The following TAFA2 variants were observed in gnomAD, a reference collection of about 807,000 sequenced individuals.
The protein encoded by TAFA2 is TAFA chemokine like family member 2, also known as chemokine-like protein TAFA-2.
Under a neutral mutation model 18.8 loss-of-function variants are expected in TAFA2, and 7 were observed. The observed-to-expected ratio is 0.37, with a 90% confidence interval of 0.21 to 0.70. The LOEUF is 0.70. TAFA2 is among the 30% of genes least tolerant of loss of function. The probability of loss-of-function intolerance (pLI) is 0.53; values close to 1 mark genes in which losing one functional copy is unlikely to be tolerated. For synonymous variants in TAFA2, 60 were observed against 54.2 expected, an observed-to-expected ratio of 1.11 and a Z score of -0.47; for missense variants, 122 against 158.1, an observed-to-expected ratio of 0.77 and a Z score of 1.23.
rs374647804 is a variant in TAFA2 at position 61,867,496 on chromosome 12, A to G, written c.-1-70T>C. 3.3e-6 allele frequency: 3 copies of G among 909,146 alleles called. No homozygotes were observed. In the South Asian group the frequency reaches 4.3e-5, roughly 13 times the overall value. The allele number at this position is 909,146 out of a possible 1,614,324, so 56.3% of individuals were successfully genotyped here. A position where few individuals can be genotyped will look rare whatever the true frequency, so the allele number is the denominator to read the frequency against. On this transcript the variant is annotated intron_variant, in intron 1 of 4. Transcript: ENST00000416284. ...AGCTTTTCCCTTATGATTGTGCTAC[A>G]TGTAAAGCCTTCCACTATACTTTAA...
At chr12:62,108,374 T>C (rs1869560948) in intron 1 of TAFA2, among the ~76,000 whole-genome samples, 2 of 152,236 alleles carry the variant, frequency 1.3e-5, no homozygotes, top group Non-Finnish European at 2.9e-5. Flanking sequence ...ATTTTCTTTA[T>C]CCAGTTTATC....
At chr12:62,162,255 T>C (rs1052195905) in intron 1 of TAFA2, among the ~76,000 whole-genome samples, 16 of 152,188 alleles carry the variant, frequency 1.1e-4, no homozygotes, top group Non-Finnish European at 1.9e-4. Context: ...GAACTATCTC[T>C]CATCATAAAT....
intron 2 of TAFA2, among the ~76,000 whole-genome samples, chr12:61,819,108 A>G (rs1872214776): frequency 1.3e-5 from 2 of 152,118 alleles, no homozygotes; most frequent in African/African-American, 4.8e-5. Context: ...CCTACTGTTG[A>G]TGTTTATATT....
intron 1 of TAFA2, among the ~76,000 whole-genome samples, chr12:62,207,704 C>T (rs2062697992): frequency 6.6e-6 from 1 of 152,144 alleles, no homozygotes; most frequent in Non-Finnish European, 1.5e-5. Flanking sequence ...CACTTCTCCA[C>T]AATGTTATAC....
At chr12:61,867,207 G>T in intron 2 of TAFA2, 113 bp downstream of exon 2, 1 of 669,526 alleles carries the variant, frequency 1.5e-6, no homozygotes, top group Non-Finnish European at 2.6e-6. Context: ...ACTGCCAGGG[G>T]GAGAATCTAT....
chr12:62,092,487 CT>C (rs1868758627), intron 1 of TAFA2, among the ~76,000 whole-genome samples: 1 of 151,920 alleles, frequency 6.6e-6, no homozygotes, highest in African/African-American at 2.4e-5. Flanking sequence ...ACAGTCAGTT[CT>C]TAGCCTTCAT....
intron 1 of TAFA2, among the ~76,000 whole-genome samples, chr12:62,114,213 A>AT (rs1869860725): frequency 6.6e-6 from 1 of 152,176 alleles, no homozygotes; most frequent in African/African-American, 2.4e-5. Flanking sequence ...CTCAAGACAC[A>AT]GTCTCTCATG....
At chr12:62,144,078 A>C (rs951633626) in intron 1 of TAFA2, among the ~76,000 whole-genome samples, 1 of 151,264 alleles carries the variant, frequency 6.6e-6, no homozygotes, top group African/African-American at 2.4e-5. Flanking sequence ...AAAAGTCCTA[A>C]AACTCTCATA....
intron 1 of TAFA2, among the ~76,000 whole-genome samples, chr12:62,168,395 G>T (rs1345115538): frequency 1.3e-5 from 2 of 152,070 alleles, no homozygotes; most frequent in African/African-American, 4.8e-5. Context: ...AACCAAAACA[G>T]AGAACAAATA....
intron 1 of TAFA2, among the ~76,000 whole-genome samples, chr12:61,882,092 A>G (rs928196682): frequency 1.3e-5 from 2 of 152,198 alleles, no homozygotes; most frequent in African/African-American, 4.8e-5. Context: ...CTTAGATTTG[A>G]AGACGTTTAA....
At position 61,859,855 on chromosome 12, in the gene TAFA2, T is replaced by A. The variant is rs1326742458; in HGVS notation, c.106+7465A>T. Among the ~76,000 whole-genome samples the A allele has an allele frequency of 2.6e-5, 4 of 152,314 alleles. No individual in the cohort carries two copies. The East Asian group carries it at 7.7e-4, about 29-fold the overall frequency. ...GGGGCTGACGACATTCTAATTACTG[T>A]CCTGGTTGATAATTGCACACTAATT... On this transcript the variant is annotated intron_variant, in intron 2 of 4. Coordinates refer to ENST00000416284, the MANE Select transcript of TAFA2 (RefSeq NM_178539.5).
chr12:61,715,118 A>G (rs929071171), intron 4 of TAFA2, among the ~76,000 whole-genome samples: 1 of 152,180 alleles, frequency 6.6e-6, no homozygotes, highest in African/African-American at 2.4e-5. Context: ...ATTCTCAAAC[A>G]AGATACAAAA....
At chr12:62,151,707 C>T (rs1404154409) in intron 1 of TAFA2, among the ~76,000 whole-genome samples, 2 of 152,132 alleles carry the variant, frequency 1.3e-5, no homozygotes, top group African/African-American at 4.8e-5. Context: ...TTCTTTCTTC[C>T]CCAGACTTGT....
intron 1 of TAFA2, among the ~76,000 whole-genome samples, chr12:62,010,619 T>C (rs1436278818): frequency 6.6e-6 from 1 of 151,658 alleles, no homozygotes; most frequent in East Asian, 2.0e-4. Flanking sequence ...GGCTGCCCTG[T>C]CTGGGAGGTG....
intron 1 of TAFA2, among the ~76,000 whole-genome samples, chr12:61,933,631 A>G (rs569094534): frequency 1.2e-4 from 19 of 152,200 alleles, no homozygotes; most frequent in African/African-American, 4.3e-4. Flanking sequence ...ACAGGAGACT[A>G]AGGATCTTTT....
intron 4 of TAFA2, among the ~76,000 whole-genome samples, chr12:61,723,573 G>A (rs1003450305): frequency 1.1e-4 from 17 of 152,080 alleles, no homozygotes; most frequent in African/African-American, 4.1e-4. Context: ...TTCAGCATCT[G>A]AAATTATAGA....
At chr12:61,766,103 A>C (rs1869778985) in intron 2 of TAFA2, among the ~76,000 whole-genome samples, 1 of 152,080 alleles carries the variant, frequency 6.6e-6, no homozygotes, top group African/African-American at 2.4e-5. Context: ...TCTTTCTTGC[A>C]AAACCACAAG....
chr12:61,787,146 T>C (rs980321047), intron 2 of TAFA2, among the ~76,000 whole-genome samples: 3 of 150,898 alleles, frequency 2.0e-5, no homozygotes, highest in Admixed American at 6.6e-5. Flanking sequence ...CAGGAGAAAA[T>C]GGGATGACAC....
chr12:62,190,048 C>T (rs2062612494), intron 1 of TAFA2, among the ~76,000 whole-genome samples: 1 of 151,630 alleles, frequency 6.6e-6, no homozygotes, highest in South Asian at 2.1e-4. Context: ...TTCATACTCA[C>T]AAAAAGATAA....
Sources: gnomAD v4.1 joint callset for allele counts (sites outside exome capture counted in the v4.1 genomes callset) on GRCh38, gnomAD v4.1.1 for gene constraint, MANE v1.5 for transcripts, NCBI Gene and HGNC (gene_info 2026-07-23, HGNC 2026-07-21) for gene names.